ZNF616: variants seen among roughly 807,000 people sequenced by gnomAD.
ZNF616 encodes zinc finger protein 616.
A neutral mutation model predicts 7.6 loss-of-function variants in ZNF616; 5 were observed. The ratio of observed to expected loss-of-function variants is 0.66; its 90% CI spans 0.34 to 1.38. ZNF616 has a LOEUF of 1.38. Ranked by LOEUF, ZNF616 falls within the 40% of genes most tolerant of loss-of-function variation. ZNF616 has a pLI of 0.04. For synonymous variants in ZNF616, 319 were observed against 317.2 expected (o/e 1.01, Z -0.06); for missense variants, 913 against 948.3 (o/e 0.96, Z 0.49).
intron 1 of ZNF616, chr19:52,138,463 C>CA (rs1304321035): frequency 2.6e-5 from 4 of 152,222 alleles, no homozygotes; most frequent in Non-Finnish European, 4.4e-5. Flanking sequence ...AATCAACTCA[C>CA]AGCTCATCTG....
chr19:52,137,873 GAATAA>G (rs2089026519), intron 1 of ZNF616, among the ~76,000 whole-genome samples: 1 of 152,136 alleles, frequency 6.6e-6, no homozygotes, highest in Non-Finnish European at 1.5e-5. Flanking sequence ...AGAAGAAACT[GAATAA>G]ACTAAAATTT....
rs761588288 is a variant in ZNF616, at chr19:52,116,356, T to C, written c.808A>G (p.Ile270Val). 6.2e-7 allele frequency: 1 copy of C among 1,614,164 alleles called. No homozygotes were observed. Among genetic ancestry groups the C allele is most frequent in the Non-Finnish European group, 8.5e-7 (1 of 1,180,014 alleles). ...AAGGACTTGCCACATTCATTACATA[T>C]GTAGGGTTTCTGTCCAGTGTGACTC... ...QRSHTGQKPY[I>V]CNECGKSFSK... is the part of the protein sequence containing the mutation. Residue 270 changes from isoleucine (I) to valine (V), a missense_variant, in exon 4 of 4, where the codon ATA (isoleucine) becomes GTA (valine). By Grantham distance (29) the Ile-to-Val change is conservative (BLOSUM62 3). Transcript: ENST00000600228.
chr19:52,129,847 C>T (rs1164965729), intron 2 of ZNF616, among the ~76,000 whole-genome samples: 2 of 151,652 alleles, frequency 1.3e-5, no homozygotes, highest in African/African-American at 4.8e-5. Context: ...GCAGTGGCAC[C>T]ATCTTGGCTC....
chr19:52,116,127 A>G lies in ZNF616; in HGVS notation c.1037T>C (p.Ile346Thr). 6.2e-7 allele frequency: 1 copy of G among 1,614,110 alleles called. No homozygotes were observed. Among genetic ancestry groups the G allele is most frequent in the South Asian group, 1.1e-5 (1 of 91,076 alleles). The change falls in exon 4 of 4, where the codon ATC (isoleucine) becomes ACC (threonine). Residue 346 changes from isoleucine to threonine, a missense_variant. By Grantham distance (89) the Ile-to-Thr change is moderately conservative. Coordinates refer to ENST00000600228, the MANE Select transcript of ZNF616 (RefSeq NM_178523.5). ...TTTATATGGTTTCTTTCCTGCATGG[A>G]TTACCTGATGTACAGTGAGGTTTGA... ...RSSNLTVHQV[I>T]HAGKKPYKCD...
At chr19:52,133,896 C>T (rs1313582457) in intron 1 of ZNF616, among the ~76,000 whole-genome samples, 1 of 152,130 alleles carries the variant, frequency 6.6e-6, no homozygotes, top group African/African-American at 2.4e-5. Context: ...CTGAGGTAGG[C>T]CCCAGTGTGT....
Position 52,116,208 on chromosome 19 carries a change from T to C in ZNF616, c.956A>G (p.His319Arg), listed in dbSNP as rs911360771. The change falls in exon 4 of 4, where the codon CAT becomes CGT. Residue 319 changes from histidine (H) to arginine (R), a missense_variant. By Grantham distance (29) the His-to-Arg change is conservative. Coordinates refer to ENST00000600228, the MANE Select transcript of ZNF616 (RefSeq NM_178523.5). ...RVHLRLHQTVHTGERPFKCNE... is the reference protein window; with the variant it reads ...RVHLRLHQTVRTGERPFKCNE... ...ACATTTGAAGGGTCTCTCTCCAGTA[T>C]GAACTGTCTGATGAAGTCTAAGATG... is the stretch of plus-strand genomic sequence containing the variant. 7 of 1,614,064 alleles carry C rather than the reference T, an allele frequency of 4.3e-6. No homozygotes were observed. Among genetic ancestry groups the C allele is most frequent in the African/African-American group, 1.3e-5 (1 of 74,936 alleles).
In ZNF616 at chr19:52,116,148, T is replaced by C. The variant is rs762960468; in HGVS notation, c.1016A>G (p.Asn339Ser). The C allele has an allele frequency of 6.2e-7, 1 of 1,613,920 alleles. No individual in the cohort carries two copies. The highest frequency in any genetic ancestry group is 8.5e-7 in the Non-Finnish European group (1 of 1,179,954). ...ECGKTFKRSS[N>S]LTVHQVIHAG... ...ATGGATTACCTGATGTACAGTGAGG[T>C]TTGAGCTCCGTTTAAAGGTTTTGCC... is the stretch of plus-strand genomic sequence containing the variant. Residue 339 changes from asparagine to serine, a missense_variant, in exon 4 of 4, where the codon AAC (asparagine) becomes AGC (serine). Asn to Ser is a conservative substitution (Grantham distance 46, BLOSUM62 1). Transcript: ENST00000600228.
chr19:52,115,977 A>C lies in ZNF616; in HGVS notation c.1187T>G (p.Leu396Arg). 6.2e-7 allele frequency: 1 copy of C among 1,614,224 alleles called. No homozygotes were observed. The highest frequency in any genetic ancestry group is 8.5e-7 in the Non-Finnish European group (1 of 1,180,048). ...AGTGTGAATTCGTCGATGCACTGCA[A>C]GACTTGAACGTTTACTGAAGACCTT... ...CGKVFSKRSS[L>R]AVHRRIHTVE... The change falls in exon 4 of 4, where the codon CTT (leucine) becomes CGT (arginine). Residue 396 changes from leucine (L) to arginine (R), a missense_variant. Leu to Arg is a moderately radical substitution (Grantham distance 102, BLOSUM62 -2). Transcript: ENST00000600228.
intron 2 of ZNF616, among the ~76,000 whole-genome samples, chr19:52,130,076 T>G (rs2088944561): frequency 6.6e-6 from 1 of 152,160 alleles, no homozygotes; most frequent in African/African-American, 2.4e-5. Context: ...CCTGGCCCCT[T>G]TCGATAATTT....
chr19:52,122,698 A>G (rs9676806), intron 3 of ZNF616, among the ~76,000 whole-genome samples: 1 of 148,622 alleles, frequency 6.7e-6, no homozygotes, highest in Non-Finnish European at 1.5e-5. Flanking sequence ...GCAGTGGCGC[A>G]ATCTCTGCTC....
rs145065452 is a variant in ZNF616 at position 52,115,626 on chromosome 19, C to A, written c.1538G>T (p.Arg513Ile). 39 of 1,614,016 alleles carry A rather than the reference C, an allele frequency of 2.4e-5. No homozygotes were observed. The African/African-American group carries it at 4.4e-4, about 18-fold the overall frequency. ...GTAAGGTTTCTCTCCAGTATGAATT[C>A]TCCGATGCACTGCAAGACGTGAATG... ...SQHSRLAVHR[R>I]IHTGEKPYKC... Residue 513 changes from arginine (R) to isoleucine (I), a missense_variant, in exon 4 of 4, where the codon AGA becomes ATA. Transcript: ENST00000600228.
chr19:52,116,042 G>A lies in ZNF616; in HGVS notation c.1122C>T (p.Ile374=). The change falls in exon 4 of 4, where the codon ATC becomes ATT. Residue 374 remains isoleucine (I), a synonymous_variant. Transcript: ENST00000600228. ...ATTTGTATTGTTTCTCTCCACTGTG[G>A]ATTCTCCGGTGACATACAAGATTTG... is the stretch of plus-strand genomic sequence containing the variant. ...HRSNLVCHRR[I]HSGEKQYKCN... The A allele has an allele frequency of 6.2e-7, 1 of 1,614,040 alleles. No individual in the cohort carries two copies. The highest frequency in any genetic ancestry group is 1.7e-5 in the Admixed American group (1 of 60,010).
chr19:52,120,315 G>A (rs1285308652), intron 3 of ZNF616, among the ~76,000 whole-genome samples: 2 of 152,144 alleles, frequency 1.3e-5, no homozygotes, highest in African/African-American at 4.8e-5. Context: ...CACAAAGAAT[G>A]TATAGAAGAC....
intron 3 of ZNF616, among the ~76,000 whole-genome samples, chr19:52,120,567 A>G (rs554768400): frequency 2.1e-4 from 32 of 152,328 alleles, no homozygotes; most frequent in African/African-American, 7.7e-4. Context: ...ACTATCCACA[A>G]AAGATTCATT....
chr19:52,115,200 T>C lies in ZNF616; in HGVS notation c.1964A>G (p.His655Arg). ...RVHLRLHQTV[H>R]TGDRPYKCNE... Reference sequence around the variant, plus strand: ...ACATTTGTAAGGTCTGTCTCCAGTATGAACAGTCTGATGAAGTCTAAGATG... The same window carrying C: ...ACATTTGTAAGGTCTGTCTCCAGTACGAACAGTCTGATGAAGTCTAAGATG... The change falls in exon 4 of 4, where the codon CAT becomes CGT. Residue 655 changes from histidine to arginine, a missense_variant. Transcript: ENST00000600228. 3.1e-6 allele frequency: 5 copies of C among 1,614,216 alleles called. No homozygotes were observed. The highest frequency in any genetic ancestry group is 4.2e-6 in the Non-Finnish European group (5 of 1,180,032).
chr19:52,121,289 G>A (rs560290690), intron 3 of ZNF616, among the ~76,000 whole-genome samples: 10 of 152,174 alleles, frequency 6.6e-5, no homozygotes, highest in East Asian at 3.9e-4. Flanking sequence ...TCCTGACCTC[G>A]TTTAACACAT....
chr19:52,134,476 A>C (rs1001274637), intron 1 of ZNF616, among the ~76,000 whole-genome samples: 1 of 152,232 alleles, frequency 6.6e-6, no homozygotes, highest in Non-Finnish European at 1.5e-5. Context: ...TCAGTAGGTC[A>C]GAAGTATAGG....
chr19:52,122,825 G>A (rs919917864), intron 3 of ZNF616, among the ~76,000 whole-genome samples: 10 of 151,778 alleles, frequency 6.6e-5, no homozygotes, highest in East Asian at 2.0e-4. Context: ...TAGTAGAGAC[G>A]GGTTTTCACC....
rs755250252 is a variant in ZNF616, at chr19:52,115,638, G to A, written c.1526C>T (p.Ala509Val). The A allele has an allele frequency of 1.4e-5, 23 of 1,613,672 alleles. No homozygotes were observed. Among genetic ancestry groups the A allele is most frequent in the Non-Finnish European group, 1.9e-5 (22 of 1,179,950 alleles). ...TCCAGTATGAATTCTCCGATGCACT[G>A]CAAGACGTGAATGTTGACTGAAGAC... ...GKVFSQHSRL[A>V]VHRRIHTGEK... The change falls in exon 4 of 4, where the codon GCA becomes GTA. Residue 509 changes from alanine to valine, a missense_variant. Ala to Val is a moderately conservative substitution (Grantham distance 64). Coordinates refer to ENST00000600228, the MANE Select transcript of ZNF616 (RefSeq NM_178523.5).
Sources: allele counts gnomAD v4.1 joint callset (sites outside exome capture counted in the v4.1 genomes callset), GRCh38; gene constraint gnomAD v4.1.1; transcripts MANE v1.5; gene names NCBI Gene and HGNC (gene_info 2026-07-23, HGNC 2026-07-21).